NKAIN2: variants seen among roughly 807,000 people sequenced by gnomAD.
NKAIN2 encodes the protein sodium/potassium transporting ATPase interacting 2.
In NKAIN2, 14 loss-of-function variants were observed where a neutral mutation model predicts 32.6. That is an observed-to-expected ratio of 0.43 (90% CI 0.28 to 0.67). The LOEUF is 0.67. Ranked by LOEUF, NKAIN2 falls within the 30% of genes least tolerant of loss-of-function variation. The pLI, the probability that NKAIN2 is intolerant of heterozygous loss-of-function variation, is 0.17. For synonymous variants in NKAIN2, 80 were observed against 87.2 expected (o/e 0.92, Z 0.46); for missense variants, 198 against 258.3 (o/e 0.77, Z 1.60).
intron 4 of NKAIN2, among the ~76,000 whole-genome samples, chr6:124,743,426 A>T (rs934299191): frequency 4.2e-5 from 6 of 143,886 alleles, no homozygotes; most frequent in African/African-American, 1.5e-4. Context: ...TAATTAATAA[A>T]TCGATCATTA....
intron 1 of NKAIN2, among the ~76,000 whole-genome samples, chr6:124,210,950 T>C (rs771737134): frequency 6.0e-5 from 9 of 150,404 alleles, no homozygotes; most frequent in Non-Finnish European, 1.2e-4. Flanking sequence ...CTTCTCTAAT[T>C]GCCCTGGCAA....
At chr6:124,291,911 G>A (rs1352801515) in intron 2 of NKAIN2, among the ~76,000 whole-genome samples, 2 of 151,828 alleles carry the variant, frequency 1.3e-5, no homozygotes, top group African/African-American at 4.8e-5. Context: ...TTTATCTATT[G>A]TCAGTTTATT....
chr6:123,883,446 G>A (rs770396142), intron 1 of NKAIN2, among the ~76,000 whole-genome samples: 1 of 142,214 alleles, frequency 7.0e-6, no homozygotes, highest in Non-Finnish European at 1.5e-5. Context: ...CACCCGGCGT[G>A]AGTGAGTTCT....
At chr6:124,401,916 A>G (rs73770484) in intron 3 of NKAIN2, among the ~76,000 whole-genome samples, 1,691 of 152,302 alleles carry the variant, frequency 0.011, 24 homozygotes, top group African/African-American at 0.039. Flanking sequence ...GATGTAGTCA[A>G]ATTTAAGATT....
At chr6:124,773,693 A>T (rs950729440) in intron 4 of NKAIN2, among the ~76,000 whole-genome samples, 14 of 152,246 alleles carry the variant, frequency 9.2e-5, no homozygotes, top group African/African-American at 3.4e-4. Context: ...GGTTAACCAC[A>T]TTAACTTCAG....
At chr6:124,238,504 A>G (rs1234988118) in intron 1 of NKAIN2, among the ~76,000 whole-genome samples, 2 of 152,250 alleles carry the variant, frequency 1.3e-5, no homozygotes, top group East Asian at 3.9e-4. Context: ...GGAGGTTTTT[A>G]AATATAAAAG....
chr6:124,653,524 C>A (rs1272895556), intron 3 of NKAIN2, among the ~76,000 whole-genome samples: 3 of 148,436 alleles, frequency 2.0e-5, no homozygotes, highest in African/African-American at 7.4e-5. Flanking sequence ...GGTCAAAGAC[C>A]TAAATGTAAA....
intron 1 of NKAIN2, among the ~76,000 whole-genome samples, chr6:124,248,047 A>G (rs1487373955): frequency 1.3e-5 from 2 of 152,074 alleles, no homozygotes; most frequent in African/African-American, 4.8e-5. Context: ...CTTTAAACTG[A>G]TGAAGAATTT....
intron 1 of NKAIN2, among the ~76,000 whole-genome samples, chr6:124,135,085 C>T (rs1035763714): frequency 7.2e-5 from 11 of 152,002 alleles, no homozygotes; most frequent in African/African-American, 2.2e-4. Flanking sequence ...TGAGAGAATT[C>T]GCCACTACCA....
rs77476936 is a variant in NKAIN2, at chr6:124,590,181, C to A, written c.274-68005C>A. Among the ~76,000 whole-genome samples, 391 of 152,220 alleles carry A rather than the reference C, an allele frequency of 2.6e-3. 2 individuals carry two copies. The highest frequency in any genetic ancestry group is 9.2e-3 in the African/African-American group (382 of 41,528). ...AATGCTGAATAATGGCAGTAAGATT[C>A]TTCCCTTAGGCCCTAAGGCCGTACT... On this transcript the variant is annotated intron_variant, in intron 3 of 6. Transcript: ENST00000368417.
At chr6:124,156,524 G>T (rs1267454358) in intron 1 of NKAIN2, among the ~76,000 whole-genome samples, 1 of 151,694 alleles carries the variant, frequency 6.6e-6, no homozygotes, top group Non-Finnish European at 1.5e-5. Flanking sequence ...GAGCACTAAG[G>T]TATTGTTTAG....
chr6:123,812,859 T>C (rs1049596391), intron 1 of NKAIN2, among the ~76,000 whole-genome samples: 1 of 152,216 alleles, frequency 6.6e-6, no homozygotes, highest in Non-Finnish European at 1.5e-5. Flanking sequence ...GAGTCTTAGT[T>C]TGAAATGGAG....
intron 1 of NKAIN2, among the ~76,000 whole-genome samples, chr6:123,947,896 C>G (rs1463199716): frequency 6.6e-6 from 1 of 150,606 alleles, no homozygotes; most frequent in African/African-American, 2.4e-5. Context: ...ACCAAATTCT[C>G]TATAATTCTC....
intron 1 of NKAIN2, among the ~76,000 whole-genome samples, chr6:123,993,634 A>G (rs1028681831): frequency 6.6e-6 from 1 of 152,160 alleles, no homozygotes; most frequent in Non-Finnish European, 1.5e-5. Flanking sequence ...TTTGACAATC[A>G]GTGTTTCTAG....
At chr6:124,682,785 C>A (rs1773684450) in intron 4 of NKAIN2, among the ~76,000 whole-genome samples, 1 of 152,076 alleles carries the variant, frequency 6.6e-6, no homozygotes, top group African/African-American at 2.4e-5. Flanking sequence ...CTCTATAAAA[C>A]AACGTCTTTT....
chr6:124,695,601 A>G (rs566956946), intron 4 of NKAIN2, among the ~76,000 whole-genome samples: 2 of 152,314 alleles, frequency 1.3e-5, no homozygotes, highest in Admixed American at 1.3e-4. Context: ...TTAAAACGAG[A>G]GTTCTGGCAG....
chr6:124,594,722 G>A (rs999135617), intron 3 of NKAIN2, among the ~76,000 whole-genome samples: 13 of 152,072 alleles, frequency 8.5e-5, no homozygotes, highest in African/African-American at 3.1e-4. Flanking sequence ...GGATGTACTG[G>A]AGTATACTTA....
At chr6:124,020,231 G>A (rs1322671662) in intron 1 of NKAIN2, among the ~76,000 whole-genome samples, 2 of 152,100 alleles carry the variant, frequency 1.3e-5, no homozygotes, top group East Asian at 3.9e-4. Flanking sequence ...GGGTCATTCT[G>A]TTCTTAGTAA....
intron 1 of NKAIN2, among the ~76,000 whole-genome samples, chr6:124,024,983 C>CA (rs60803472): frequency 0.029 from 4,176 of 141,858 alleles, 180 homozygotes; most frequent in African/African-American, 0.098. Context: ...GATTCCGTCT[C>CA]AAAAAAAAAA....
Sources: allele counts gnomAD v4.1 joint callset (sites outside exome capture counted in the v4.1 genomes callset), GRCh38; gene constraint gnomAD v4.1.1; transcripts MANE v1.5; gene names NCBI Gene and HGNC (gene_info 2026-07-23, HGNC 2026-07-21).